Variants in STOX2 observed in about 807,000 individuals in gnomAD.
STOX2 encodes storkhead-box protein 2.
A neutral mutation model predicts 60.9 loss-of-function variants in STOX2; 28 were observed. The ratio of observed to expected loss-of-function variants is 0.46; its 90% CI spans 0.34 to 0.63. The LOEUF is 0.63. STOX2 is among the 30% of genes least tolerant of loss of function. The probability of loss-of-function intolerance (pLI) is 0.01; values close to 1 mark genes in which losing one functional copy is unlikely to be tolerated. For missense variants in STOX2, 1,024 were observed against 1,187.7 expected, an observed-to-expected ratio of 0.86 and a Z score of 2.03; for synonymous variants, 472 against 463.9, an observed-to-expected ratio of 1.02 and a Z score of -0.22.
At position 183,892,320 on chromosome 4, in the gene STOX2, C is replaced by G. The variant is rs544387009; in HGVS notation, c.364+94265C>G. On this transcript the variant is annotated intron_variant, in intron 1 of 2. Transcript: ENST00000513034. The stretch of plus-strand genomic sequence containing the variant: ...TTGAGACGGAGTCTCGCTCTGTCGC[C>G]CAGGCTGGAGTGCAGTGGCGCGATC... Among the ~76,000 whole-genome samples, 3 of 152,332 alleles carry G rather than the reference C, an allele frequency of 2.0e-5. No homozygotes were observed. The South Asian group carries it at 6.2e-4, about 32-fold the overall frequency.
intron 1 of STOX2, among the ~76,000 whole-genome samples, chr4:183,820,947 A>C (rs1468176767): frequency 6.6e-6 from 1 of 151,924 alleles, no homozygotes; most frequent in Non-Finnish European, 1.5e-5. Context: ...CAAAAAAAAA[A>C]ACACCAAAAA....
intron 3 of STOX2, among the ~76,000 whole-genome samples, chr4:184,013,656 C>T (rs1213691360): frequency 3.3e-5 from 5 of 152,198 alleles, no homozygotes; most frequent in Non-Finnish European, 5.9e-5. Context: ...TGAGTTGTCT[C>T]GCTGATCCAG....
At chr4:183,983,132 A>T (rs1732715313) in intron 1 of STOX2, among the ~76,000 whole-genome samples, 1 of 152,078 alleles carries the variant, frequency 6.6e-6, no homozygotes, top group African/African-American at 2.4e-5. Context: ...CTCTGTTCAT[A>T]CTGCCTTGCT....
At chr4:183,986,852 C>T (rs539579416) in intron 1 of STOX2, among the ~76,000 whole-genome samples, 72 of 152,236 alleles carry the variant, frequency 4.7e-4, no homozygotes, top group Admixed American at 1.4e-3. Flanking sequence ...GAGGATAGGA[C>T]GCTTTCAGGA....
In STOX2 at chr4:183,842,968, C is replaced by T. The variant is rs532288971; in HGVS notation, c.364+44913C>T. 7.9e-5 allele frequency among the ~76,000 whole-genome samples: 12 copies of T among 151,660 alleles called. 1 individual carries two copies. In the South Asian group the frequency reaches 2.5e-3, roughly 32 times the overall value. ...TTCAAGACCAGCCTAGCCAAGATGGCGAAACCCCATCTCTACTAAAAAATA... is the reference window on the plus strand; with the variant it reads ...TTCAAGACCAGCCTAGCCAAGATGGTGAAACCCCATCTCTACTAAAAAATA... On this transcript the variant is annotated intron_variant, in intron 1 of 2. Transcript: ENST00000513034.
intron 1 of STOX2, among the ~76,000 whole-genome samples, chr4:183,888,394 G>C (rs7694560): frequency 0.78 from 118,281 of 152,118 alleles, 46,717 homozygotes; most frequent in Middle Eastern, 0.86. Context: ...CTGAGGCCCA[G>C]GGATGCTCAC....
intron 2 of STOX2, among the ~76,000 whole-genome samples, chr4:184,003,128 G>A (rs10212888): frequency 0.63 from 95,565 of 152,118 alleles, 30,561 homozygotes; most frequent in East Asian, 0.84. Context: ...GCCAAACACA[G>A]TGGTCTTGGA....
In STOX2 at chr4:183,839,321, G is replaced by A. The variant is rs796332870; in HGVS notation, c.364+41266G>A. ...ATCTAGGTGTCAGATCAAATATGTG[G>A]GTACCGTGACCTAGCCAAGTTGGCA... On this transcript the variant is annotated intron_variant, in intron 1 of 2. Coordinates refer to the STOX2 transcript ENST00000513034. Among the ~76,000 whole-genome samples, 37 of 152,194 alleles carry A rather than the reference G, an allele frequency of 2.4e-4. 1 individual carries two copies. Among genetic ancestry groups the A allele is most frequent in the African/African-American group, 8.7e-4 (36 of 41,522 alleles).
intron 1 of STOX2, among the ~76,000 whole-genome samples, chr4:183,995,521 T>A (rs1733299885): frequency 6.6e-6 from 1 of 152,100 alleles, no homozygotes; most frequent in South Asian, 2.1e-4. Flanking sequence ...TGAAAATGGA[T>A]GCGCTTGATA....
chr4:183,950,664 A>T (rs1277465955), intron 1 of STOX2, among the ~76,000 whole-genome samples: 1 of 92,384 alleles, frequency 1.1e-5, no homozygotes, highest in East Asian at 3.2e-4. Context: ...TTGGGCATGC[A>T]ATAGCGCATG....
chr4:183,954,918 T>C (rs1226884120), intron 1 of STOX2, among the ~76,000 whole-genome samples: 1 of 151,698 alleles, frequency 6.6e-6, no homozygotes, highest in Non-Finnish European at 1.5e-5. Flanking sequence ...TTTGTATTTT[T>C]AGTAGAGACG....
chr4:183,887,370 G>A (rs1469810), intron 1 of STOX2, among the ~76,000 whole-genome samples: 39,498 of 152,222 alleles, frequency 0.26, 5,475 homozygotes, highest in Middle Eastern at 0.37. Flanking sequence ...TATAAATTTA[G>A]TGATTTAGTA....
chr4:183,816,852 C>T (rs748904642), intron 1 of STOX2, among the ~76,000 whole-genome samples: 2 of 152,144 alleles, frequency 1.3e-5, no homozygotes, highest in Non-Finnish European at 2.9e-5. Context: ...TGAAAATTAG[C>T]GTATTTTTGT....
intron 1 of STOX2, among the ~76,000 whole-genome samples, chr4:183,974,663 A>C (rs1732385896): frequency 6.6e-6 from 1 of 152,198 alleles, no homozygotes; most frequent in Non-Finnish European, 1.5e-5. Context: ...ATGACATAAC[A>C]AGCATAAAAA....
rs1189241410 is a variant in STOX2, at chr4:184,010,221, A to G, written c.1383A>G (p.Gly461=). 3 of 1,555,864 alleles carry G rather than the reference A, an allele frequency of 1.9e-6. No homozygotes were observed. Among genetic ancestry groups the G allele is most frequent in the Non-Finnish European group, 1.7e-6 (2 of 1,149,498 alleles). ...TEMPFPEPSR[G]SSHSKVHRSH... is the part of the protein sequence containing the mutation. ...TGCCTTTTCCTGAACCTTCTAGGGG[A>G]AGCTCCCACTCAAAAGTGCACCGAA... The change falls in exon 3 of 4, where the codon GGA becomes GGG. Residue 461 remains glycine (G), a synonymous_variant. Transcript: ENST00000308497. This position sits in a 1 kb window ranked among gnomAD's most constrained non-coding sequence, Gnocchi z 4.5.
At chr4:183,855,526 C>G (rs981154629) in intron 1 of STOX2, among the ~76,000 whole-genome samples, 1 of 152,142 alleles carries the variant, frequency 6.6e-6, no homozygotes, top group Admixed American at 6.5e-5. Flanking sequence ...ACAAGGGTAA[C>G]TTGGAAATCC....
chr4:183,822,419 A>C (rs1304497629), intron 1 of STOX2, among the ~76,000 whole-genome samples: 1 of 152,164 alleles, frequency 6.6e-6, no homozygotes, highest in Non-Finnish European at 1.5e-5. Flanking sequence ...TTACATTGTT[A>C]TATATAATGA....
intron 1 of STOX2, among the ~76,000 whole-genome samples, chr4:183,928,398 G>A (rs888533077): frequency 2.0e-5 from 3 of 152,208 alleles, no homozygotes; most frequent in African/African-American, 7.2e-5. Context: ...CTACTTCAAT[G>A]TCTGCAGGAG....
At chr4:183,945,270 C>T (rs923853797) in intron 1 of STOX2, among the ~76,000 whole-genome samples, 2 of 152,058 alleles carry the variant, frequency 1.3e-5, no homozygotes, top group Non-Finnish European at 2.9e-5. Context: ...ATTTCAGTTG[C>T]AGAATTCGGG....
Sources: gnomAD v4.1 joint callset for allele counts (sites outside exome capture counted in the v4.1 genomes callset) on GRCh38, gnomAD v4.1.1 for gene constraint, Gnocchi (gnomAD v3.1) non-coding constraint, MANE v1.5 for transcripts, NCBI Gene and HGNC (gene_info 2026-07-23, HGNC 2026-07-21) for gene names.